Variants in FAM81A observed in about 807,000 individuals in gnomAD.
FAM81A encodes protein FAM81A.
In FAM81A, 19 loss-of-function variants were observed where a neutral mutation model predicts 46.7. The ratio of observed to expected loss-of-function variants is 0.41; its 90% confidence interval spans 0.28 to 0.60. FAM81A has a LOEUF of 0.60. Among genes scored for constraint, FAM81A ranks in the 20% least tolerant of loss-of-function variants. The pLI, the probability that FAM81A is intolerant of heterozygous loss-of-function variation, is 0.34. For missense variants in FAM81A, 377 were observed against 453.5 expected (o/e 0.83, Z 1.53); for synonymous variants, 183 against 152.9 (o/e 1.20, Z -1.45).
chr15:59,464,795 T>C (rs2081592866), intron 3 of FAM81A, among the ~76,000 whole-genome samples: 1 of 152,218 alleles, frequency 6.6e-6, no homozygotes, highest in Non-Finnish European at 1.5e-5. Flanking sequence ...GCTTCCTTTA[T>C]TGTGCAGAAG....
chr15:59,406,324 A>G (rs77499607), intron 2 of FAM81A, among the ~76,000 whole-genome samples: 26 of 152,368 alleles, frequency 1.7e-4, no homozygotes, highest in African/African-American at 5.0e-4. Flanking sequence ...GATACGCACT[A>G]TCATCACCCA....
At chr15:59,428,656 T>C (rs2081205871) in intron 2 of FAM81A, among the ~76,000 whole-genome samples, 1 of 133,868 alleles carries the variant, frequency 7.5e-6, no homozygotes, top group African/African-American at 2.8e-5. Flanking sequence ...TTTGAGATAG[T>C]GTCTCACTCT....
intron 3 of FAM81A, among the ~76,000 whole-genome samples, chr15:59,473,324 G>T (rs774400841): frequency 6.6e-6 from 1 of 152,044 alleles, no homozygotes; most frequent in Admixed American, 6.5e-5. Flanking sequence ...ACCCGGCCTG[G>T]GTGGGACGTG....
At chr15:59,412,631 G>A (rs78970980) in intron 2 of FAM81A, among the ~76,000 whole-genome samples, 13,713 of 151,952 alleles carry the variant, frequency 0.09, 1,624 homozygotes, top group African/African-American at 0.27. Context: ...GGAGGTTGAG[G>A]TGGGAGAATT....
chr15:59,487,155 G>C (rs2081926336), intron 3 of FAM81A, among the ~76,000 whole-genome samples: 1 of 143,852 alleles, frequency 7.0e-6, no homozygotes, highest in Non-Finnish European at 1.5e-5. Flanking sequence ...TTAAAGTATA[G>C]AGTTAGCAGC....
intron 2 of FAM81A, among the ~76,000 whole-genome samples, chr15:59,414,839 G>A (rs1317599329): frequency 6.6e-6 from 1 of 151,004 alleles, no homozygotes; most frequent in African/African-American, 2.4e-5. Flanking sequence ...TTTTTGAGAT[G>A]GAGTCTCGCT....
intron 2 of FAM81A, among the ~76,000 whole-genome samples, chr15:59,428,621 C>CTTTTTTTTT (rs1206186244): frequency 1.4e-5 from 1 of 70,232 alleles, no homozygotes; most frequent in African/African-American, 5.5e-5. Context: ...ATGTCTACTC[C>CTTTTTTTTT]TTTTTTTTTT....
intron 2 of FAM81A, among the ~76,000 whole-genome samples, chr15:59,419,603 G>A (rs2081161955): frequency 6.6e-6 from 1 of 152,160 alleles, no homozygotes; most frequent in Non-Finnish European, 1.5e-5. Flanking sequence ...GCCGGGCACG[G>A]TGGCTCAAGC....
chr15:59,452,946 A>G (rs1470040840), intron 1 of FAM81A, among the ~76,000 whole-genome samples: 2 of 152,082 alleles, frequency 1.3e-5, no homozygotes, highest in Admixed American at 6.6e-5. Context: ...TATTTTTTGT[A>G]GAGATAGGAT....
chr15:59,451,913 C>T (rs749015403), intron 1 of FAM81A, among the ~76,000 whole-genome samples: 4 of 152,216 alleles, frequency 2.6e-5, no homozygotes, highest in Non-Finnish European at 5.9e-5. Context: ...CCTGGACATT[C>T]ACTCACCCAG....
At chr15:59,475,043 T>C (rs2081748082) in intron 3 of FAM81A, among the ~76,000 whole-genome samples, 2 of 152,230 alleles carry the variant, frequency 1.3e-5, no homozygotes, top group African/African-American at 4.8e-5. Context: ...CTTGCTTTGA[T>C]GAGAGATCAC....
At chr15:59,510,662 C>G (rs2082196886) in intron 6 of FAM81A, among the ~76,000 whole-genome samples, 1 of 150,904 alleles carries the variant, frequency 6.6e-6, no homozygotes, top group Admixed American at 6.6e-5. Context: ...CCTATAGTCC[C>G]AGCTACTCAG....
chr15:59,516,852 C>G lies in FAM81A; in HGVS notation c.982+12C>G. The G allele has an allele frequency of 6.3e-7, 1 of 1,581,062 alleles. No homozygotes were observed. The highest frequency in any genetic ancestry group is 2.3e-5 in the East Asian group (1 of 44,294). On this transcript the variant is annotated intron_variant, in intron 8 of 8. Coordinates refer to ENST00000288228, the MANE Select transcript of FAM81A (RefSeq NM_152450.3). ...AGAAGTTAATGCTGGTAGGCCAAAACCAGAACAGCTCACGTGCTTTATTTT... is the reference window on the plus strand; with the variant it reads ...AGAAGTTAATGCTGGTAGGCCAAAAGCAGAACAGCTCACGTGCTTTATTTT...
intron 2 of FAM81A, among the ~76,000 whole-genome samples, chr15:59,419,615 T>C (rs1469021861): frequency 6.6e-6 from 1 of 152,202 alleles, no homozygotes; most frequent in Non-Finnish European, 1.5e-5. Flanking sequence ...GGCTCAAGCT[T>C]GTAATCCCAG....
At chr15:59,433,558 C>A (rs1256273396), upstream of FAM81A, among the ~76,000 whole-genome samples, 1 of 152,008 alleles carries the variant, frequency 6.6e-6, no homozygotes, top group East Asian at 1.9e-4. Context: ...GAGAATGAGC[C>A]TATACATGAA....
intron 3 of FAM81A, among the ~76,000 whole-genome samples, chr15:59,465,938 A>T (rs2081607749): frequency 6.6e-6 from 1 of 152,168 alleles, no homozygotes; most frequent in Non-Finnish European, 1.5e-5. Flanking sequence ...GAATGAGAAC[A>T]TGCGGTGTTT....
chr15:59,520,172 G>T (rs1353530279), intron 8 of FAM81A, among the ~76,000 whole-genome samples: 3 of 151,526 alleles, frequency 2.0e-5, no homozygotes, highest in Non-Finnish European at 4.4e-5. Context: ...AATTCTTTCA[G>T]TGTGGCCCAA....
chr15:59,520,003 C>CCA (rs2082311053), intron 8 of FAM81A, among the ~76,000 whole-genome samples: 1 of 152,144 alleles, frequency 6.6e-6, no homozygotes, highest in Admixed American at 6.5e-5. Flanking sequence ...CTTGTCCAAC[C>CCA]CACATCCCGC....
chr15:59,401,157 T>G, intron 1 of FAM81A: 1 of 748,772 alleles, frequency 1.3e-6, no homozygotes, highest in Non-Finnish European at 2.5e-6. Context: ...TTCAGAAACA[T>G]CACAGTAATG....
Sources: gnomAD v4.1 joint callset for allele counts (sites outside exome capture counted in the v4.1 genomes callset) on GRCh38, gnomAD v4.1.1 for gene constraint, MANE v1.5 for transcripts, NCBI Gene and HGNC (gene_info 2026-07-23, HGNC 2026-07-21) for gene names.